URB1: variants seen among roughly 807,000 people sequenced by gnomAD.
The protein encoded by URB1 is URB1 ribosome biogenesis factor.
A neutral mutation model predicts 242.3 loss-of-function variants in URB1; 197 were observed. The ratio of observed to expected loss-of-function variants is 0.81; its 90% CI spans 0.72 to 0.91. The LOEUF is 0.91. Ranked by LOEUF, URB1 falls within the 40% of genes least tolerant of loss-of-function variation. The pLI is 0.00. For synonymous variants in URB1, 1,153 were observed against 1,201.8 expected, an observed-to-expected ratio of 0.96 and a Z score of 0.84; for missense variants, 2,721 against 2,860.5, an observed-to-expected ratio of 0.95 and a Z score of 1.11.
In URB1 at chr21:32,378,359, G is replaced by A. The variant is rs575977825; in HGVS notation, c.664+86C>T. The A allele has an allele frequency of 5.6e-5, 71 of 1,275,646 alleles. 1 individual carries two copies. The African/African-American group carries it at 7.0e-4, about 13-fold the overall frequency. The allele number at this position is 1,275,646 out of a possible 1,614,324, so 79.0% of individuals were successfully genotyped here. Reference sequence around the variant, plus strand: ...GTACACAGCAACTGCAAAGGCTGCAGACTTTTTTTGAACTTGGAAGAAACG... The same window carrying A: ...GTACACAGCAACTGCAAAGGCTGCAAACTTTTTTTGAACTTGGAAGAAACG... On this transcript the variant is annotated intron_variant, in intron 5 of 38. Transcript: ENST00000382751.
chr21:32,362,088 A>G, intron 11 of URB1, 67 bp from the exon 12 acceptor site: 1 of 1,519,706 alleles, frequency 6.6e-7, no homozygotes, highest in Non-Finnish European at 8.8e-7. Flanking sequence ...TGAACTGAAC[A>G]CATTAACAAG....
chr21:32,342,670 G>GTGGA (rs58613138), intron 24 of URB1, among the ~76,000 whole-genome samples: 147,571 of 147,580 alleles, frequency 1, 73,781 homozygotes, highest in Middle Eastern at 1. Context: ...GCCAACTTGT[G>GTGGA]AACCAGGAAA....
intron 9 of URB1, 93 bp downstream of exon 9, chr21:32,368,310 C>T (rs923524610): frequency 7.5e-6 from 9 of 1,199,810 alleles, no homozygotes; most frequent in Admixed American, 6.0e-5. Context: ...TCAGGTAATC[C>T]GCCTGCCTCG....
intron 14 of URB1, among the ~76,000 whole-genome samples, chr21:32,358,553 T>C (rs1375982791): frequency 2.0e-5 from 3 of 152,168 alleles, no homozygotes; most frequent in East Asian, 1.9e-4. Flanking sequence ...ACTACAGCCC[T>C]TGGCAATGAG....
intron 30 of URB1, among the ~76,000 whole-genome samples, chr21:32,326,744 A>G (rs1453173996): frequency 6.6e-6 from 1 of 152,184 alleles, no homozygotes; most frequent in Admixed American, 6.5e-5. Flanking sequence ...ACCATAATTG[A>G]AAGTTTCCTG....
chr21:32,382,605 C>G (rs1005992327), intron 4 of URB1, among the ~76,000 whole-genome samples: 1 of 152,132 alleles, frequency 6.6e-6, no homozygotes, highest in Non-Finnish European at 1.5e-5. Context: ...TCCACCGCAG[C>G]AGATGGGATG....
intron 10 of URB1, among the ~76,000 whole-genome samples, chr21:32,364,189 G>A (rs2033320298): frequency 1.3e-5 from 2 of 152,122 alleles, no homozygotes; most frequent in South Asian, 4.1e-4. Flanking sequence ...TCACTGCAGA[G>A]ACTGAGTAGG....
intron 4 of URB1, 33 bp from the exon 5 acceptor site, chr21:32,378,574 C>T: frequency 2.6e-6 from 4 of 1,510,394 alleles, no homozygotes; most frequent in Non-Finnish European, 3.6e-6. Context: ...ATGTCACATG[C>T]ATATTCCACA....
chr21:32,370,622 C>T (rs776657528), intron 8 of URB1, among the ~76,000 whole-genome samples: 1 of 152,204 alleles, frequency 6.6e-6, no homozygotes, highest in Admixed American at 6.5e-5. Flanking sequence ...AGAGAGGATG[C>T]CTAACCCAGT....
chr21:32,383,332 G>C (rs1018543212), intron 4 of URB1, 90 bp downstream of exon 4: 9 of 1,408,018 alleles, frequency 6.4e-6, no homozygotes, highest in Admixed American at 5.2e-5. Flanking sequence ...ATCTGTGTGG[G>C]GATCAGGGGC....
intron 24 of URB1, among the ~76,000 whole-genome samples, 162 bp from the exon 25 acceptor site, chr21:32,341,686 C>T (rs796336749): frequency 1.3e-5 from 2 of 152,294 alleles, no homozygotes; most frequent in African/African-American, 4.8e-5. Flanking sequence ...GCGCTGGTGT[C>T]CCCTTCTGCT....
chr21:32,347,573 A>T lies in URB1; in HGVS notation c.3251T>A (p.Leu1084Gln), dbSNP rs773694832. The T allele has an allele frequency of 3.1e-4, 479 of 1,551,344 alleles. No individual in the cohort carries two copies. Among genetic ancestry groups the T allele is most frequent in the Non-Finnish European group, 4.0e-4 (459 of 1,146,870 alleles). ...RYSEAITQSV[L>Q]KELQNRRAGP... is the part of the protein sequence containing the mutation. The stretch of plus-strand genomic sequence containing the variant: ...CGCCCTCCTGTTCTGAAGTTCCTTC[A>T]GCACACTCTGGGTGATGGCCTCTGA... Residue 1084 changes from leucine (L) to glutamine (Q), a missense_variant, in exon 22 of 39, where the codon CTG becomes CAG. By Grantham distance (113) the Leu-to-Gln change is moderately radical (BLOSUM62 -2). Transcript: ENST00000382751.
At chr21:32,370,042 A>C (rs2033390373) in intron 8 of URB1, among the ~76,000 whole-genome samples, 1 of 151,402 alleles carries the variant, frequency 6.6e-6, no homozygotes, top group Admixed American at 6.6e-5. Flanking sequence ...GCATAAAGGG[A>C]GTAAAATCCC....
chr21:32,346,923 AC>A, intron 22 of URB1, 32 bp downstream of exon 22: 1 of 1,468,946 alleles, frequency 6.8e-7, no homozygotes, highest in Non-Finnish European at 9.1e-7. Flanking sequence ...GCAACTTAAG[AC>A]CCCAGCTGCC....
rs181517092 is a variant in URB1 at position 32,334,596 on chromosome 21, T to C, written c.4686-262A>G. 6.1e-4 allele frequency among the ~76,000 whole-genome samples: 93 copies of C among 152,254 alleles called. 1 individual carries two copies. In the East Asian group the frequency reaches 0.012, roughly 20 times the overall value. ...AGCTGGCCCTATTCTAAGCCCTTCA[T>C]GTAGATCAATTCACTCAATCTGCAC... On this transcript the variant is annotated intron_variant, in intron 28 of 38. Coordinates refer to ENST00000382751, the MANE Select transcript of URB1 (RefSeq NM_014825.3).
intron 30 of URB1, among the ~76,000 whole-genome samples, chr21:32,327,217 G>A (rs754319861): frequency 1.8e-4 from 28 of 151,978 alleles, no homozygotes; most frequent in Non-Finnish European, 3.2e-4. Flanking sequence ...TGACACCAGT[G>A]ATTTAAAAAA....
chr21:32,328,987 G>A (rs979641903), intron 30 of URB1, among the ~76,000 whole-genome samples: 3 of 152,070 alleles, frequency 2.0e-5, no homozygotes, highest in African/African-American at 7.2e-5. Flanking sequence ...AGAACTGGGT[G>A]TAATGGCTCA....
chr21:32,352,923 T>A lies in URB1; in HGVS notation c.2417-17A>T. On this transcript the variant is annotated splice_polypyrimidine_tract_variant and intron_variant, in intron 18 of 38. Transcript: ENST00000382751. ...CGTTTTCCGCTGCAAAGGAACGAGATGCATATGGGAAGAGGCTGGCTGGGC... is the reference window on the plus strand; with the variant it reads ...CGTTTTCCGCTGCAAAGGAACGAGAAGCATATGGGAAGAGGCTGGCTGGGC... 1 of 1,527,270 alleles carries A rather than the reference T, an allele frequency of 6.5e-7. No homozygotes were observed. Among genetic ancestry groups the A allele is most frequent in the Admixed American group, 2.0e-5 (1 of 49,492 alleles). The allele number at this position is 1,527,270 out of a possible 1,614,324, so 94.6% of individuals were successfully genotyped here.
chr21:32,337,682 T>G (rs1487658097), intron 26 of URB1, among the ~76,000 whole-genome samples, 168 bp from the exon 27 acceptor site: 1 of 152,118 alleles, frequency 6.6e-6, no homozygotes, highest in Non-Finnish European at 1.5e-5. Flanking sequence ...TTTTTTGTTA[T>G]TATTATTTTC....
Sources: allele counts gnomAD v4.1 joint callset (sites outside exome capture counted in the v4.1 genomes callset), GRCh38; gene constraint gnomAD v4.1.1; transcripts MANE v1.5; gene names NCBI Gene and HGNC (gene_info 2026-07-23, HGNC 2026-07-21).